The following GALNT17 variants were observed in gnomAD, a reference collection of about 807,000 sequenced individuals.
GALNT17 encodes the protein UDP-GalNAc:polypeptide N-acetylgalactosaminyltransferase-like 3.
Under a neutral mutation model 63.7 loss-of-function variants are expected in GALNT17, and 29 were observed. The ratio of observed to expected loss-of-function variants is 0.46; its 90% CI spans 0.34 to 0.62. The LOEUF is 0.62. Ranked by LOEUF, GALNT17 falls within the 20% of genes least tolerant of loss-of-function variation. The pLI, the probability that GALNT17 is intolerant of heterozygous loss-of-function variation, is 0.01. For missense variants in GALNT17, 603 were observed against 799.6 expected (o/e 0.75, Z 2.97); for synonymous variants, 305 against 318.3 (o/e 0.96, Z 0.45).
chr7:71,468,675 C>T (rs1466968849), intron 5 of GALNT17, among the ~76,000 whole-genome samples: 1 of 152,016 alleles, frequency 6.6e-6, no homozygotes, highest in Non-Finnish European at 1.5e-5. Context: ...CCTAGGCCTC[C>T]CAAAGTGCTG....
intron 9 of GALNT17, among the ~76,000 whole-genome samples, chr7:71,681,788 C>T (rs1198905489): frequency 6.6e-6 from 1 of 152,176 alleles, no homozygotes; most frequent in Non-Finnish European, 1.5e-5. Flanking sequence ...GCTCCAAGGA[C>T]GTCCACTTGT....
chr7:71,301,371 A>C (rs926950993), intron 1 of GALNT17, among the ~76,000 whole-genome samples: 1 of 147,330 alleles, frequency 6.8e-6, no homozygotes, highest in Non-Finnish European at 1.5e-5. Flanking sequence ...ATATACTAAT[A>C]ATTATATATA....
chr7:71,374,314 C>A (rs925008549), intron 2 of GALNT17, among the ~76,000 whole-genome samples: 3 of 152,228 alleles, frequency 2.0e-5, no homozygotes, highest in Non-Finnish European at 4.4e-5. Flanking sequence ...TCCTACATGA[C>A]TGGCTTATTG....
chr7:71,395,254 C>T (rs748346920), intron 3 of GALNT17, among the ~76,000 whole-genome samples: 5 of 152,202 alleles, frequency 3.3e-5, no homozygotes, highest in Non-Finnish European at 7.3e-5. Context: ...ACCCTTACCC[C>T]ATTCCTTGCC....
At chr7:71,690,171 C>T (rs4719168) in intron 9 of GALNT17, among the ~76,000 whole-genome samples, 114,506 of 151,840 alleles carry the variant, frequency 0.75, 43,316 homozygotes, top group East Asian at 0.85. Context: ...ACTACAGGTG[C>T]GCACCATCAC....
chr7:71,231,128 T>A (rs1789780429), intron 1 of GALNT17, among the ~76,000 whole-genome samples: 2 of 152,182 alleles, frequency 1.3e-5, no homozygotes, highest in South Asian at 4.1e-4. Flanking sequence ...CTTAAGGTGA[T>A]CTAAGCTTTA....
rs1460648636 is a variant in GALNT17, at chr7:71,438,420, C to T, written c.962+17315C>T. Among the ~76,000 whole-genome samples, 5 of 152,196 alleles carry T rather than the reference C, an allele frequency of 3.3e-5. No individual in the cohort carries two copies. The East Asian group carries it at 7.7e-4, about 23-fold the overall frequency. On this transcript the variant is annotated intron_variant, in intron 5 of 10. Coordinates refer to ENST00000333538, the MANE Select transcript of GALNT17 (RefSeq NM_022479.3). ...AGATTAAGGGTGAGTCTGCCTTTCC[C>T]AGCCCACTGACTCAAATGTTAGTCT... is the stretch of plus-strand genomic sequence containing the variant.
chr7:71,189,659 G>A (rs1399966555), intron 1 of GALNT17, among the ~76,000 whole-genome samples: 1 of 152,112 alleles, frequency 6.6e-6, no homozygotes, highest in Non-Finnish European at 1.5e-5. Context: ...GGTCCTTTAA[G>A]GGCTGTCTTC....
At chr7:71,689,074 G>A (rs1791404241) in intron 9 of GALNT17, among the ~76,000 whole-genome samples, 2 of 151,904 alleles carry the variant, frequency 1.3e-5, no homozygotes, top group African/African-American at 2.4e-5. Context: ...GTAATTATTC[G>A]GGGCACTATG....
chr7:71,558,392 T>G (rs1172012663), intron 5 of GALNT17, among the ~76,000 whole-genome samples: 1 of 152,138 alleles, frequency 6.6e-6, no homozygotes, highest in Non-Finnish European at 1.5e-5. Context: ...TGTTGCTTTG[T>G]TTAGGTTCAA....
chr7:71,625,363 C>T (rs972168742), intron 6 of GALNT17, among the ~76,000 whole-genome samples: 2 of 152,088 alleles, frequency 1.3e-5, no homozygotes, highest in African/African-American at 2.4e-5. Flanking sequence ...CCAGGCTGGT[C>T]TCAAACTCCT....
intron 2 of GALNT17, among the ~76,000 whole-genome samples, chr7:71,352,174 G>A (rs10281560): frequency 0.15 from 23,096 of 152,050 alleles, 2,550 homozygotes; most frequent in African/African-American, 0.32. Flanking sequence ...AGATCTGATC[G>A]TTTTATAAGG....
chr7:71,650,197 G>A lies in GALNT17; in HGVS notation c.1081-15214G>A, dbSNP rs189043067. Among the ~76,000 whole-genome samples the A allele has an allele frequency of 7.2e-5, 11 of 152,350 alleles. No homozygotes were observed. The East Asian group carries it at 2.1e-3, about 29-fold the overall frequency. ...TCAGTTAGGGAATCTGAGTGCCAGAGAGAGTGATCACAAGCTTTGCTGGGC... is the reference window on the plus strand; with the variant it reads ...TCAGTTAGGGAATCTGAGTGCCAGAAAGAGTGATCACAAGCTTTGCTGGGC... On this transcript the variant is annotated intron_variant, in intron 6 of 10. Transcript: ENST00000333538.
chr7:71,519,711 G>T (rs554469767), intron 5 of GALNT17, among the ~76,000 whole-genome samples: 2 of 152,212 alleles, frequency 1.3e-5, no homozygotes, highest in African/African-American at 4.8e-5. Flanking sequence ...TGACGCACCT[G>T]CCTCGGCCTC....
intron 2 of GALNT17, among the ~76,000 whole-genome samples, chr7:71,350,345 G>A (rs1583881078): frequency 6.6e-6 from 1 of 152,068 alleles, no homozygotes; most frequent in African/African-American, 2.4e-5. Flanking sequence ...TTATAAGGGG[G>A]AGACAGATGA....
chr7:71,375,298 C>T (rs1480524273), intron 2 of GALNT17, among the ~76,000 whole-genome samples: 1 of 152,194 alleles, frequency 6.6e-6, no homozygotes, highest in East Asian at 1.9e-4. Context: ...AAAATCGGCT[C>T]ATTTGGTAAT....
At chr7:71,332,632 T>C (rs1012824666) in intron 1 of GALNT17, among the ~76,000 whole-genome samples, 1 of 152,188 alleles carries the variant, frequency 6.6e-6, no homozygotes, top group Non-Finnish European at 1.5e-5. Context: ...GAATTGTCTA[T>C]CATAAGTGTT....
Position 71,491,545 on chromosome 7 carries a change from G to A in GALNT17, c.962+70440G>A, listed in dbSNP as rs574841412. Among the ~76,000 whole-genome samples, 23 of 152,302 alleles carry A rather than the reference G, an allele frequency of 1.5e-4. No individual in the cohort carries two copies. In the South Asian group the frequency reaches 4.8e-3, roughly 32 times the overall value. On this transcript the variant is annotated intron_variant, in intron 5 of 10. Transcript: ENST00000333538. ...AAATTAATCCACTATCTGTGCAGTG[G>A]AGAGAGGCAGGGTTCCCATATCAGC...
At chr7:71,137,271 C>T (rs914141402) in intron 1 of GALNT17, among the ~76,000 whole-genome samples, 1 of 151,882 alleles carries the variant, frequency 6.6e-6, no homozygotes, top group African/African-American at 2.4e-5. Flanking sequence ...TCCCGAGTAG[C>T]TGGGACTACA....
Sources: allele counts gnomAD v4.1 joint callset (sites outside exome capture counted in the v4.1 genomes callset), GRCh38; gene constraint gnomAD v4.1.1; transcripts MANE v1.5; gene names NCBI Gene and HGNC (gene_info 2026-07-23, HGNC 2026-07-21).